PDE3A: variants seen among roughly 807,000 people sequenced by gnomAD.
PDE3A encodes the protein phosphodiesterase 3A.
PDE3A carries 43 observed loss-of-function variants against 98.3 expected under a neutral mutation model. The observed-to-expected ratio is 0.44, with a 90% CI of 0.34 to 0.56. The LOEUF (loss-of-function observed/expected upper bound fraction) is 0.56, where lower values mean the gene tolerates loss of function less well. Among genes scored for constraint, PDE3A ranks in the 20% least tolerant of loss-of-function variants. The pLI, the probability that PDE3A is intolerant of heterozygous loss-of-function variation, is 0.01. For missense variants in PDE3A, 1,427 were observed against 1,440.7 expected (o/e 0.99, Z 0.15); for synonymous variants, 663 against 567.9 (o/e 1.17, Z -2.38).
rs564405002 is a variant in PDE3A, at chr12:20,552,419, G to A, written c.961-4241G>A. 29 of 1,612,910 alleles carry A rather than the reference G, an allele frequency of 1.8e-5. No homozygotes were observed. In the African/African-American group the frequency reaches 2.0e-4, roughly 11 times the overall value. ...CCTTGGACGAAGGAGGGGAAGGACC[G>A]GATCAAGAAGCTGGGGCTGACCATG... is the stretch of plus-strand genomic sequence containing the variant. On this transcript the variant is annotated intron_variant, in intron 1 of 15. Transcript: ENST00000359062. The surrounding 1 kb of genome is among the most constrained non-coding windows in gnomAD (Gnocchi z 5.1).
At chr12:20,636,933 C>G (rs1944527548) in intron 8 of PDE3A, among the ~76,000 whole-genome samples, 167 bp from the exon 9 acceptor site, 1 of 152,138 alleles carries the variant, frequency 6.6e-6, no homozygotes, top group Non-Finnish European at 1.5e-5. Context: ...ACTTTGGCGT[C>G]AATGTCTCGT....
intron 1 of PDE3A, among the ~76,000 whole-genome samples, chr12:20,379,323 G>A (rs1300775740): frequency 6.6e-6 from 1 of 151,754 alleles, no homozygotes; most frequent in Non-Finnish European, 1.5e-5. Flanking sequence ...AGTGAGCAGT[G>A]TTTGTCCTCG....
intron 7 of PDE3A, among the ~76,000 whole-genome samples, chr12:20,634,002 A>AT (rs1224903294): frequency 1.3e-5 from 2 of 152,118 alleles, no homozygotes; most frequent in African/African-American, 2.4e-5. Context: ...GCCCAGCCTG[A>AT]TTTTTTAAAT....
At chr12:20,447,451 A>G (rs755534018) in intron 1 of PDE3A, among the ~76,000 whole-genome samples, 1 of 152,176 alleles carries the variant, frequency 6.6e-6, no homozygotes, top group East Asian at 1.9e-4. Context: ...CAACCTCTGC[A>G]GGGCTGAAGG....
At chr12:20,467,050 T>C (rs929044066) in intron 1 of PDE3A, among the ~76,000 whole-genome samples, 3 of 152,168 alleles carry the variant, frequency 2.0e-5, no homozygotes, top group Non-Finnish European at 4.4e-5. Flanking sequence ...CTTTTTTATA[T>C]ATGCCTTCCA....
intron 6 of PDE3A, 51 bp from the exon 7 acceptor site, chr12:20,633,642 G>A: frequency 9.9e-7 from 1 of 1,006,588 alleles, no homozygotes; most frequent in Non-Finnish European, 1.5e-6. Context: ...ATGTGCCTAT[G>A]ACTTTTTGAA....
intron 2 of PDE3A, among the ~76,000 whole-genome samples, chr12:20,569,774 G>C (rs889512122): frequency 3.9e-5 from 6 of 152,102 alleles, no homozygotes; most frequent in Admixed American, 1.3e-4. Flanking sequence ...CTGCGTATTT[G>C]TTCATAAGCA....
intron 1 of PDE3A, among the ~76,000 whole-genome samples, chr12:20,484,935 T>A (rs1486104310): frequency 6.6e-6 from 1 of 152,120 alleles, no homozygotes; most frequent in Non-Finnish European, 1.5e-5. Context: ...AGGAAAGAAA[T>A]GAGTCTTGAG....
intron 1 of PDE3A, among the ~76,000 whole-genome samples, chr12:20,404,122 GT>G (rs915404542): frequency 1.6e-4 from 25 of 152,050 alleles, no homozygotes; most frequent in African/African-American, 5.6e-4. Flanking sequence ...GCTCTTAAGT[GT>G]TTTAATGTTA....
intron 15 of PDE3A, among the ~76,000 whole-genome samples, chr12:20,666,093 A>T (rs551633444): frequency 6.7e-6 from 1 of 149,150 alleles, no homozygotes; most frequent in East Asian, 2.0e-4. Flanking sequence ...TCAGCCCCCC[A>T]AGTAGCTAGG....
chr12:20,583,044 CT>C (rs1213251296), intron 2 of PDE3A, among the ~76,000 whole-genome samples: 6 of 152,108 alleles, frequency 3.9e-5, no homozygotes, highest in Non-Finnish European at 7.3e-5. Context: ...TGATGTCTGG[CT>C]TTCTACTCAA....
chr12:20,401,255 G>GAAC (rs1486487685), intron 1 of PDE3A, among the ~76,000 whole-genome samples: 1 of 152,096 alleles, frequency 6.6e-6, no homozygotes, highest in Non-Finnish European at 1.5e-5. Flanking sequence ...TTTATTCATT[G>GAAC]AACTACCACA....
rs776443526 is a variant in PDE3A, at chr12:20,616,231, G to A, written c.1271G>A (p.Arg424His). Reference sequence around the variant, plus strand: ...AATGAAGTCAAGTCTCTTTCCTAGCGCCTGAGAAGGAGTTTGCCTCCTGGC... The same window carrying A: ...AATGAAGTCAAGTCTCTTTCCTAGCACCTGAGAAGGAGTTTGCCTCCTGGC... ...SEKDKLAIPK[R>H]LRRSLPPGLL... The change falls in exon 4 of 16, where the codon CGC (arginine) becomes CAC (histidine). Residue 424 changes from arginine (R) to histidine (H), a missense_variant and splice_region_variant. Arg to His is a conservative substitution (Grantham distance 29). Around this residue, in one of 3 missense-constraint regions of PDE3A, gnomAD observed 1,012 missense variants for 886.5 expected, o/e 1.14. Transcript: ENST00000359062. 1.9e-5 allele frequency: 30 copies of A among 1,613,292 alleles called. No homozygotes were observed. Among genetic ancestry groups the A allele is most frequent in the East Asian group, 1.8e-4 (8 of 44,864 alleles).
chr12:20,390,021 G>T (rs1766430989), intron 1 of PDE3A, among the ~76,000 whole-genome samples: 1 of 151,966 alleles, frequency 6.6e-6, no homozygotes, highest in Non-Finnish European at 1.5e-5. Flanking sequence ...AGGATATGAG[G>T]TAGGGAAGGA....
In PDE3A at chr12:20,551,673, C is replaced by T. The variant is rs1337749326; in HGVS notation, c.961-4987C>T. 1.6e-4 allele frequency: 260 copies of T among 1,607,826 alleles called. 3 individuals carry two copies. The East Asian group carries it at 5.0e-3, about 31-fold the overall frequency. ...TCCACATCTACTGCCTGGACCCGCC[C>T]CTCAGCAGTGTTCCCAGCGAGGACG... On this transcript the variant is annotated intron_variant, in intron 1 of 15. Coordinates refer to ENST00000359062, the MANE Select transcript of PDE3A (RefSeq NM_000921.5).
intron 8 of PDE3A, among the ~76,000 whole-genome samples, chr12:20,635,968 C>T (rs1944503409): frequency 6.6e-6 from 1 of 151,766 alleles, no homozygotes; most frequent in African/African-American, 2.4e-5. Flanking sequence ...TTAACCCAAT[C>T]AAAAAGTAAA....
chr12:20,598,171 T>C (rs1208958584), intron 2 of PDE3A, among the ~76,000 whole-genome samples: 5 of 151,412 alleles, frequency 3.3e-5, no homozygotes, highest in Non-Finnish European at 5.9e-5. Flanking sequence ...TATTTCTTTT[T>C]TTAATTATTA....
intron 15 of PDE3A, among the ~76,000 whole-genome samples, chr12:20,677,453 A>ATT (rs71039969): frequency 9.3e-6 from 1 of 107,088 alleles, no homozygotes; most frequent in African/African-American, 2.9e-5. Context: ...GCTTGTTCTA[A>ATT]TTTTTTTTTC....
rs1443158001 is a variant in PDE3A at position 20,422,322 on chromosome 12, C to T, written c.960+52078C>T. 3.3e-5 allele frequency among the ~76,000 whole-genome samples: 5 copies of T among 151,042 alleles called. No individual in the cohort carries two copies. In the East Asian group the frequency reaches 7.8e-4, roughly 24 times the overall value. ...TCGCACCACTGCACTCCAGCCTGGG[C>T]AACAGAGCGAGACTCTGTCTCAAAA... On this transcript the variant is annotated intron_variant, in intron 1 of 15. Transcript: ENST00000359062.
Sources: allele counts gnomAD v4.1 joint callset (sites outside exome capture counted in the v4.1 genomes callset), GRCh38; gene constraint gnomAD v4.1.1; regional missense constraint gnomAD v4.1.1; non-coding constraint Gnocchi (gnomAD v3.1); transcripts MANE v1.5; gene names NCBI Gene and HGNC (gene_info 2026-07-23, HGNC 2026-07-21).